Variants in CEP112 observed in about 807,000 individuals in gnomAD.
CEP112 encodes centrosomal protein of 112 kDa.
A neutral mutation model predicts 153.0 loss-of-function variants in CEP112; 127 were observed. The ratio of observed to expected loss-of-function variants is 0.83; its 90% CI spans 0.72 to 0.96. The LOEUF is 0.96. Among genes scored for constraint, CEP112 ranks in the 40% least tolerant of loss-of-function variants. CEP112 has a pLI of 0.00. For missense variants in CEP112, 1,089 were observed against 1,101.2 expected, an observed-to-expected ratio of 0.99 and a Z score of 0.16; for synonymous variants, 358 against 374.4, an observed-to-expected ratio of 0.96 and a Z score of 0.51.
At chr17:66,067,292 T>C (rs2067159355) in intron 9 of CEP112, among the ~76,000 whole-genome samples, 1 of 152,212 alleles carries the variant, frequency 6.6e-6, no homozygotes, top group African/African-American at 2.4e-5. Flanking sequence ...GGCATTGTAG[T>C]GATTTAAGTG....
chr17:65,721,562 T>C (rs1376738889), intron 23 of CEP112, among the ~76,000 whole-genome samples: 1 of 152,220 alleles, frequency 6.6e-6, no homozygotes, highest in Admixed American at 6.5e-5. Flanking sequence ...ATTGATCATC[T>C]AGCATCATAG....
chr17:66,128,894 C>G (rs745609709), intron 6 of CEP112, among the ~76,000 whole-genome samples: 12 of 151,826 alleles, frequency 7.9e-5, no homozygotes, highest in Non-Finnish European at 1.6e-4. Context: ...TAAAAACACA[C>G]AGAAAAAAGG....
chr17:66,183,378 T>A, intron 1 of CEP112, 71 bp from the exon 2 acceptor site: 2 of 1,061,424 alleles, frequency 1.9e-6, no homozygotes, highest in Non-Finnish European at 1.4e-6. Context: ...ATGAGAAAGA[T>A]AAAAAAAACT....
chr17:66,134,108 C>T (rs978186344), intron 4 of CEP112, among the ~76,000 whole-genome samples: 4 of 151,506 alleles, frequency 2.6e-5, no homozygotes, highest in African/African-American at 4.9e-5. Flanking sequence ...TAAGCAGTGG[C>T]GTATTCTTAA....
chr17:65,938,601 T>C (rs374922665), intron 18 of CEP112, among the ~76,000 whole-genome samples: 1 of 152,042 alleles, frequency 6.6e-6, no homozygotes, highest in Non-Finnish European at 1.5e-5. Context: ...CCAGAGTAAT[T>C]TGGCAAGATA....
At chr17:65,759,548 G>T (rs760379550) in intron 21 of CEP112, among the ~76,000 whole-genome samples, 10 of 152,062 alleles carry the variant, frequency 6.6e-5, no homozygotes, top group Non-Finnish European at 1.2e-4. Flanking sequence ...AAAATAATCT[G>T]TATTTTACTT....
chr17:65,760,683 T>G (rs909212635), intron 21 of CEP112, among the ~76,000 whole-genome samples: 2 of 152,174 alleles, frequency 1.3e-5, no homozygotes, highest in Admixed American at 6.6e-5. Flanking sequence ...TTTATGTTAA[T>G]GGAATATAAT....
At chr17:65,704,672 A>C (rs8182293) in intron 23 of CEP112, among the ~76,000 whole-genome samples, 1 of 152,070 alleles carries the variant, frequency 6.6e-6, no homozygotes, top group Non-Finnish European at 1.5e-5. Flanking sequence ...TTAGCTGATG[A>C]AAGAGATACT....
At chr17:65,820,230 C>T (rs2056462081) in intron 21 of CEP112, among the ~76,000 whole-genome samples, 1 of 152,070 alleles carries the variant, frequency 6.6e-6, no homozygotes. Context: ...TTGACTGCCT[C>T]AGAAAATTCT....
At chr17:65,713,612 A>G (rs535182587) in intron 23 of CEP112, among the ~76,000 whole-genome samples, 1 of 152,096 alleles carries the variant, frequency 6.6e-6, no homozygotes, top group East Asian at 1.9e-4. Flanking sequence ...TTTGAGATGG[A>G]GTCTCGCTCT....
chr17:66,068,822 A>G (rs1449414866), intron 9 of CEP112, among the ~76,000 whole-genome samples: 1 of 152,138 alleles, frequency 6.6e-6, no homozygotes, highest in Non-Finnish European at 1.5e-5. Context: ...TATCTTATAC[A>G]TCAATAGACT....
chr17:65,807,837 A>C (rs1387058682), intron 21 of CEP112, among the ~76,000 whole-genome samples: 1 of 152,198 alleles, frequency 6.6e-6, no homozygotes, highest in African/African-American at 2.4e-5. Flanking sequence ...CTCATGGAGA[A>C]CCTCTAGTAA....
chr17:66,092,044 C>CT (rs71293589), intron 8 of CEP112, among the ~76,000 whole-genome samples: 58,806 of 141,542 alleles, frequency 0.42, 13,497 homozygotes, highest in East Asian at 0.87. Context: ...TATGTATTTA[C>CT]TTTTTTTTTT....
intron 17 of CEP112, among the ~76,000 whole-genome samples, chr17:65,973,145 T>C (rs756090144): frequency 1.3e-5 from 2 of 152,198 alleles, no homozygotes; most frequent in Non-Finnish European, 2.9e-5. Context: ...ATGTAAAACC[T>C]AAAACTATAA....
chr17:65,914,528 C>T (rs1236798131), intron 19 of CEP112, among the ~76,000 whole-genome samples: 1 of 152,100 alleles, frequency 6.6e-6, no homozygotes, highest in African/African-American at 2.4e-5. Context: ...TCTTCCCCAT[C>T]ACCAAATTGG....
chr17:65,726,969 T>G (rs1192756144), intron 23 of CEP112, among the ~76,000 whole-genome samples: 1 of 152,230 alleles, frequency 6.6e-6, no homozygotes. Flanking sequence ...GCAAAGATAT[T>G]GTATAGACTT....
intron 20 of CEP112, among the ~76,000 whole-genome samples, chr17:65,894,434 G>A (rs2059592412): frequency 6.6e-6 from 1 of 151,984 alleles, no homozygotes; most frequent in African/African-American, 2.4e-5. Context: ...CATAATCCTT[G>A]ACCTCATTTC....
chr17:66,016,738 T>C (rs1307371254), intron 16 of CEP112, among the ~76,000 whole-genome samples: 1 of 152,168 alleles, frequency 6.6e-6, no homozygotes. Flanking sequence ...CCCCTCTATT[T>C]ACTGTTGATT....
chr17:65,999,577 CTTAACTT>C (rs1156875777), intron 17 of CEP112, among the ~76,000 whole-genome samples: 5 of 143,148 alleles, frequency 3.5e-5, no homozygotes, highest in African/African-American at 1.3e-4. Flanking sequence ...TTTTTTTTTA[CTTAACTT>C]TTAAGTCTGG....
Sources: gnomAD v4.1 joint callset for allele counts (sites outside exome capture counted in the v4.1 genomes callset) on GRCh38, gnomAD v4.1.1 for gene constraint, MANE v1.5 for transcripts, NCBI Gene and HGNC (gene_info 2026-07-23, HGNC 2026-07-21) for gene names.